TSHZ2: variants seen among roughly 807,000 people sequenced by gnomAD.
TSHZ2 encodes teashirt homolog 2.
TSHZ2 carries 21 observed loss-of-function variants against 74.4 expected under a neutral mutation model. The observed-to-expected ratio is 0.28, with a 90% CI of 0.20 to 0.41. TSHZ2 has a LOEUF of 0.41. Ranked by LOEUF, TSHZ2 falls within the 10% of genes least tolerant of loss-of-function variation. The probability of loss-of-function intolerance (pLI) is 1.00; values close to 1 mark genes in which losing one functional copy is unlikely to be tolerated. For missense variants in TSHZ2, 1,244 were observed against 1,293.5 expected, an observed-to-expected ratio of 0.96 and a Z score of 0.59; for synonymous variants, 540 against 515.3, an observed-to-expected ratio of 1.05 and a Z score of -0.65.
At chr20:53,040,881 C>G (rs990488466) in intron 1 of TSHZ2, among the ~76,000 whole-genome samples, 1 of 152,132 alleles carries the variant, frequency 6.6e-6, no homozygotes, top group Non-Finnish European at 1.5e-5. Context: ...TGGCACGGTG[C>G]CAAGTATGAG....
At chr20:53,273,166 T>C (rs1990872996) in intron 2 of TSHZ2, among the ~76,000 whole-genome samples, 1 of 152,228 alleles carries the variant, frequency 6.6e-6, no homozygotes, top group South Asian at 2.1e-4. Context: ...TTGTAGAACA[T>C]GCTAAGAACT....
At chr20:53,426,395 G>A (rs913136629) in intron 2 of TSHZ2, among the ~76,000 whole-genome samples, 1 of 152,114 alleles carries the variant, frequency 6.6e-6, no homozygotes, top group Non-Finnish European at 1.5e-5. Context: ...GAACTTCTTG[G>A]TGGTTATAAA....
intron 2 of TSHZ2, among the ~76,000 whole-genome samples, chr20:53,371,370 A>G (rs1568888848): frequency 6.6e-6 from 1 of 152,240 alleles, no homozygotes; most frequent in Admixed American, 6.5e-5. Flanking sequence ...GAAGTGAATG[A>G]TGAATGTGAG....
intron 1 of TSHZ2, among the ~76,000 whole-genome samples, chr20:53,176,592 AGGGC>A (rs1988343503): frequency 6.6e-6 from 1 of 152,192 alleles, no homozygotes; most frequent in African/African-American, 2.4e-5. Context: ...ATTATTTCAC[AGGGC>A]TTAAGTCAAG....
At chr20:53,364,163 C>T (rs956816684) in intron 2 of TSHZ2, among the ~76,000 whole-genome samples, 8 of 152,166 alleles carry the variant, frequency 5.3e-5, no homozygotes, top group Non-Finnish European at 1.0e-4. Flanking sequence ...CGACTCCTTG[C>T]AGGGCATGGT....
intron 1 of TSHZ2, among the ~76,000 whole-genome samples, chr20:53,049,527 A>G (rs571952899): frequency 9.9e-5 from 15 of 152,120 alleles, no homozygotes; most frequent in African/African-American, 3.6e-4. Flanking sequence ...CTTTAATTTG[A>G]TTTTTCAGAC....
chr20:53,456,168 G>T (rs1985069321), intron 2 of TSHZ2, among the ~76,000 whole-genome samples: 1 of 150,726 alleles, frequency 6.6e-6, no homozygotes, highest in African/African-American at 2.4e-5. Context: ...CTAGTTTACA[G>T]TCCCACCAAC....
At chr20:53,013,189 T>A (rs537636440) in intron 1 of TSHZ2, among the ~76,000 whole-genome samples, 54 of 152,336 alleles carry the variant, frequency 3.5e-4, no homozygotes, top group Admixed American at 9.8e-4. Flanking sequence ...ATCAGCCATG[T>A]CTTTCTCTCC....
chr20:53,442,672 CTA>C (rs1228364433), intron 2 of TSHZ2, among the ~76,000 whole-genome samples: 3 of 152,186 alleles, frequency 2.0e-5, no homozygotes, highest in African/African-American at 4.8e-5. Flanking sequence ...TGACAGGACG[CTA>C]TGTCTCTGTC....
At chr20:53,075,847 G>C (rs1273152215) in intron 1 of TSHZ2, among the ~76,000 whole-genome samples, 7 of 152,166 alleles carry the variant, frequency 4.6e-5, no homozygotes, top group Non-Finnish European at 1.0e-4. Context: ...CCATGGGAAG[G>C]AGTTTGGGCT....
chr20:53,182,989 C>G (rs1346360981), intron 1 of TSHZ2, among the ~76,000 whole-genome samples: 1 of 152,184 alleles, frequency 6.6e-6, no homozygotes, highest in Non-Finnish European at 1.5e-5. Context: ...GGACAAGTGG[C>G]CTGTTCTCCC....
intron 1 of TSHZ2, among the ~76,000 whole-genome samples, chr20:53,076,000 C>T (rs751131868): frequency 5.9e-5 from 9 of 152,166 alleles, no homozygotes; most frequent in African/African-American, 1.7e-4. Context: ...TCACTTCTAG[C>T]GAGAGGTGGT....
chr20:53,254,847 G>A lies in TSHZ2; in HGVS notation c.1389G>A (p.Glu463=), dbSNP rs1409406551. The A allele has an allele frequency of 1.2e-6, 2 of 1,613,914 alleles. No individual in the cohort carries two copies. The highest frequency in any genetic ancestry group is 2.7e-5 in the African/African-American group (2 of 74,880). Residue 463 remains glutamate (E), a synonymous_variant, in exon 2 of 3, where the codon GAG becomes GAA. Coordinates refer to ENST00000371497, the MANE Select transcript of TSHZ2 (RefSeq NM_173485.6). ...CCTCTACAACTGAGTTAAAGAAAGAGAGTAAAAAAGAAAGGCCAGAGGAAA... is the reference window on the plus strand; with the variant it reads ...CCTCTACAACTGAGTTAAAGAAAGAAAGTAAAAAAGAAAGGCCAGAGGAAA... ...CTASTTELKK[E]SKKERPEETS...
chr20:53,263,117 G>A (rs1356208295), intron 2 of TSHZ2, among the ~76,000 whole-genome samples: 4 of 152,102 alleles, frequency 2.6e-5, no homozygotes, highest in African/African-American at 9.7e-5. Flanking sequence ...GTTTCCATGG[G>A]GCTGATTCTA....
At chr20:53,467,288 G>A (rs558170455) in intron 2 of TSHZ2, among the ~76,000 whole-genome samples, 209 of 152,274 alleles carry the variant, frequency 1.4e-3, no homozygotes, top group Non-Finnish European at 2.6e-3. Flanking sequence ...GTTTAATGCA[G>A]CAACGAAAGA....
rs71897861 is a variant in TSHZ2 at position 53,050,103 on chromosome 20, G to GTATATATATATATA, written c.40+76779_40+76792dup. On this transcript the variant is annotated intron_variant, in intron 1 of 2. Transcript: ENST00000371497. Reference sequence around the variant, plus strand: ...CTCAAAAAAAAAAATGTATATGTGTGTATATATATATATATATATATACAC... The same window carrying GTATATATATATATA: ...CTCAAAAAAAAAAATGTATATGTGTGTATATATATATATATATATATATATATATATATATACAC... 2.4e-3 allele frequency among the ~76,000 whole-genome samples: 279 copies of GTATATATATATATA among 115,940 alleles called. 1 individual carries two copies. The highest frequency in any genetic ancestry group is 6.3e-3 in the African/African-American group (162 of 25,718). The allele number at this position is 115,940 out of a possible 152,430, so 76.1% of individuals were successfully genotyped here.
rs1986319952 is a variant in TSHZ2, at chr20:53,487,416, C to A, written c.*281C>A. 1 of 152,044 alleles carries A rather than the reference C, an allele frequency of 6.6e-6. No homozygotes were observed. The highest frequency in any genetic ancestry group is 1.5e-5 in the Non-Finnish European group (1 of 68,016). The allele number at this position is 152,044 out of a possible 1,614,324, so 9.4% of individuals were successfully genotyped here. On this transcript the variant is annotated 3_prime_UTR_variant, in exon 3 of 3. Transcript: ENST00000371497. ...AAATTGCAATGGGGCTGTCTCGTCT[C>A]CACAGTACCCTTTTCACTGTCACAA...
At chr20:53,301,095 T>C (rs1480762812) in intron 2 of TSHZ2, among the ~76,000 whole-genome samples, 1 of 151,928 alleles carries the variant, frequency 6.6e-6, no homozygotes, top group East Asian at 1.9e-4. Flanking sequence ...GCCTCCCAAG[T>C]AGCAGGTGTG....
intron 1 of TSHZ2, among the ~76,000 whole-genome samples, chr20:53,149,383 AAGC>A: frequency 6.6e-6 from 1 of 152,206 alleles, no homozygotes; most frequent in East Asian, 1.9e-4. Context: ...TTTCCAAAGA[AAGC>A]TGTGTGTAAT....
Sources: gnomAD v4.1 joint callset for allele counts (sites outside exome capture counted in the v4.1 genomes callset) on GRCh38, gnomAD v4.1.1 for gene constraint, MANE v1.5 for transcripts, NCBI Gene and HGNC (gene_info 2026-07-23, HGNC 2026-07-21) for gene names.